KCNN2: variants seen among roughly 807,000 people sequenced by gnomAD.
KCNN2 encodes the protein potassium calcium-activated channel subfamily N member 2, also known as small conductance calcium-activated potassium channel protein 2.
A neutral mutation model predicts 55.5 loss-of-function variants in KCNN2; 24 were observed. That is an observed-to-expected ratio of 0.43 (90% CI 0.31 to 0.61). The LOEUF is 0.61. Ranked by LOEUF, KCNN2 falls within the 20% of genes least tolerant of loss-of-function variation. The pLI, the probability that KCNN2 is intolerant of heterozygous loss-of-function variation, is 0.08. For synonymous variants in KCNN2, 431 were observed against 336.1 expected (o/e 1.28, Z -3.09); for missense variants, 754 against 853.6 (o/e 0.88, Z 1.45).
chr5:114,093,313 A>G (rs919581513), intron 1 of KCNN2, among the ~76,000 whole-genome samples: 1 of 152,146 alleles, frequency 6.6e-6, no homozygotes, highest in Non-Finnish European at 1.5e-5. Context: ...TTCATTGTCC[A>G]TCTCACTATC....
At chr5:114,163,649 T>C (rs1196218360) in intron 1 of KCNN2, among the ~76,000 whole-genome samples, 3 of 152,142 alleles carry the variant, frequency 2.0e-5, no homozygotes, top group African/African-American at 4.8e-5. Flanking sequence ...ATGCAGGGCA[T>C]TAGGTAGTCT....
chr5:114,461,637 C>T (rs1761202578), intron 3 of KCNN2, among the ~76,000 whole-genome samples: 1 of 151,854 alleles, frequency 6.6e-6, no homozygotes, highest in Non-Finnish European at 1.5e-5. Context: ...AGTGTAAGAT[C>T]TGCTGATATT....
At chr5:114,395,931 C>T (rs956114538) in intron 2 of KCNN2, among the ~76,000 whole-genome samples, 2 of 152,142 alleles carry the variant, frequency 1.3e-5, no homozygotes, top group Admixed American at 6.5e-5. Context: ...TGATCTCATA[C>T]GATTACCCAA....
chr5:114,360,703 G>A (rs1228906701), upstream of KCNN2, among the ~76,000 whole-genome samples: 3 of 152,164 alleles, frequency 2.0e-5, no homozygotes, highest in Admixed American at 2.0e-4. Flanking sequence ...ATTTTTGTTA[G>A]TTTATTAGAG....
chr5:114,200,759 T>C (rs1753658709), intron 1 of KCNN2, among the ~76,000 whole-genome samples: 1 of 152,102 alleles, frequency 6.6e-6, no homozygotes, highest in Non-Finnish European at 1.5e-5. Context: ...TGCCGTAGTG[T>C]GATATTTGCG....
intron 2 of KCNN2, among the ~76,000 whole-genome samples, chr5:114,297,250 G>C (rs1286385442): frequency 1.3e-5 from 2 of 152,076 alleles, no homozygotes; most frequent in South Asian, 2.1e-4. Context: ...TCCAGGAGTT[G>C]GAGGTTACAG....
At chr5:114,398,426 T>C (rs886719202) in intron 2 of KCNN2, among the ~76,000 whole-genome samples, 9 of 152,216 alleles carry the variant, frequency 5.9e-5, no homozygotes, top group East Asian at 1.9e-4. Flanking sequence ...GCTGTTTGGG[T>C]TACTGTAGCC....
chr5:114,460,705 T>C (rs1392682648), intron 3 of KCNN2, among the ~76,000 whole-genome samples: 1 of 152,202 alleles, frequency 6.6e-6, no homozygotes, highest in Non-Finnish European at 1.5e-5. Flanking sequence ...TATAACTGTT[T>C]CAGCCAAAGA....
At chr5:114,403,130 T>C (rs565466328) in intron 2 of KCNN2, among the ~76,000 whole-genome samples, 1 of 152,314 alleles carries the variant, frequency 6.6e-6, no homozygotes, top group East Asian at 1.9e-4. Flanking sequence ...TATCCTGAGT[T>C]TGTATTGTTG....
intron 1 of KCNN2, among the ~76,000 whole-genome samples, chr5:114,159,019 G>C (rs938258861): frequency 6.6e-6 from 1 of 152,178 alleles, no homozygotes; most frequent in Admixed American, 6.5e-5. Context: ...TGATTGCCCT[G>C]GCCAGAACCT....
intron 6 of KCNN2, among the ~76,000 whole-genome samples, chr5:114,491,810 A>G (rs567660879): frequency 1.3e-5 from 2 of 152,200 alleles, no homozygotes; most frequent in South Asian, 2.1e-4. Context: ...CTCTTTCTTT[A>G]GTACACTTCT....
At chr5:114,278,478 C>A (rs998960244) in intron 2 of KCNN2, among the ~76,000 whole-genome samples, 2 of 152,242 alleles carry the variant, frequency 1.3e-5, no homozygotes, top group Non-Finnish European at 2.9e-5. Context: ...AGAGGCAATA[C>A]GCCTTGCTGA....
intron 1 of KCNN2, among the ~76,000 whole-genome samples, chr5:114,158,320 C>T (rs1179673210): frequency 8.5e-5 from 13 of 152,168 alleles, no homozygotes; most frequent in Admixed American, 3.3e-4. Context: ...TGTAGTTATG[C>T]GGCATTATTT....
At chr5:114,422,761 T>G (rs1759506699) in intron 3 of KCNN2, among the ~76,000 whole-genome samples, 1 of 152,220 alleles carries the variant, frequency 6.6e-6, no homozygotes, top group African/African-American at 2.4e-5. Flanking sequence ...GGCTGTTTTT[T>G]TTGAGCAAAT....
chr5:114,430,259 A>G (rs1759749662), intron 3 of KCNN2, among the ~76,000 whole-genome samples: 1 of 152,070 alleles, frequency 6.6e-6, no homozygotes, highest in South Asian at 2.1e-4. Flanking sequence ...GTCTATGAAC[A>G]TAGAGTATTT....
chr5:114,363,530 T>TG (rs1757510899), intron 1 of KCNN2, among the ~76,000 whole-genome samples: 2 of 152,344 alleles, frequency 1.3e-5, no homozygotes, highest in East Asian at 1.9e-4. Flanking sequence ...TGGAAGTCGG[T>TG]GGGGAAACCA....
intron 2 of KCNN2, among the ~76,000 whole-genome samples, chr5:114,295,410 C>A (rs944987470): frequency 7.2e-5 from 11 of 152,286 alleles, no homozygotes; most frequent in African/African-American, 2.4e-4. Context: ...ATGGCAGGCA[C>A]CCCTCCCCCA....
At chr5:114,312,206 C>T (rs1372169652) in intron 2 of KCNN2, among the ~76,000 whole-genome samples, 4 of 151,648 alleles carry the variant, frequency 2.6e-5, no homozygotes, top group Admixed American at 2.0e-4. Flanking sequence ...TGCTTCTTGG[C>T]GTGAGTTTTT....
intron 7 of KCNN2, among the ~76,000 whole-genome samples, chr5:114,493,815 G>A (rs1171385713): frequency 6.6e-6 from 1 of 152,074 alleles, no homozygotes; most frequent in Non-Finnish European, 1.5e-5. Context: ...CATCCTAGGT[G>A]TGACTGTGAT....
Sources: allele counts gnomAD v4.1 joint callset (sites outside exome capture counted in the v4.1 genomes callset), GRCh38; gene constraint gnomAD v4.1.1; transcripts MANE v1.5; gene names NCBI Gene and HGNC (gene_info 2026-07-23, HGNC 2026-07-21).